Variants in NKAIN2 observed in about 807,000 individuals in gnomAD.
The protein encoded by NKAIN2 is sodium/potassium-transporting ATPase subunit beta-1-interacting protein 2.
In NKAIN2, 14 loss-of-function variants were observed where a neutral mutation model predicts 32.6. The ratio of observed to expected loss-of-function variants is 0.43; its 90% CI spans 0.28 to 0.67. The LOEUF (loss-of-function observed/expected upper bound fraction) is 0.67, where lower values mean the gene tolerates loss of function less well. NKAIN2 is among the 30% of genes least tolerant of loss of function. The pLI, the probability that NKAIN2 is intolerant of heterozygous loss-of-function variation, is 0.17. For synonymous variants in NKAIN2, 80 were observed against 87.2 expected, an observed-to-expected ratio of 0.92 and a Z score of 0.46; for missense variants, 198 against 258.3, an observed-to-expected ratio of 0.77 and a Z score of 1.60.
At chr6:123,854,576 T>C (rs1775485390) in intron 1 of NKAIN2, among the ~76,000 whole-genome samples, 2 of 152,198 alleles carry the variant, frequency 1.3e-5, no homozygotes, top group African/African-American at 4.8e-5. Context: ...CCAGGTGCTG[T>C]GCCAAATGTT....
chr6:124,792,656 T>C (rs1019005993), intron 5 of NKAIN2, among the ~76,000 whole-genome samples: 30 of 151,958 alleles, frequency 2.0e-4, no homozygotes, highest in African/African-American at 7.2e-4. Context: ...CAGGAGAAGG[T>C]TTATAGAGAA....
intron 4 of NKAIN2, among the ~76,000 whole-genome samples, chr6:124,691,708 C>T (rs1774261520): frequency 6.6e-6 from 1 of 152,120 alleles, no homozygotes; most frequent in Admixed American, 6.6e-5. Context: ...CCAGGATTAT[C>T]CTTAGAAAAA....
chr6:124,801,033 A>G (rs562882268), intron 5 of NKAIN2, among the ~76,000 whole-genome samples: 1 of 152,240 alleles, frequency 6.6e-6, no homozygotes, highest in Non-Finnish European at 1.5e-5. Flanking sequence ...CACCTTCACC[A>G]CTGAATTAAA....
At chr6:123,967,713 A>C (rs766924393) in intron 1 of NKAIN2, among the ~76,000 whole-genome samples, 1 of 152,218 alleles carries the variant, frequency 6.6e-6, no homozygotes, top group East Asian at 1.9e-4. Context: ...ATATATACAC[A>C]TACTCACAAC....
At chr6:124,045,094 T>G (rs950452148) in intron 1 of NKAIN2, among the ~76,000 whole-genome samples, 3 of 151,882 alleles carry the variant, frequency 2.0e-5, no homozygotes, top group African/African-American at 4.8e-5. Context: ...AACAAAGTTC[T>G]CTTTTTCATG....
At chr6:124,224,861 G>A (rs187393748) in intron 1 of NKAIN2, among the ~76,000 whole-genome samples, 1 of 152,010 alleles carries the variant, frequency 6.6e-6, no homozygotes, top group South Asian at 2.1e-4. Flanking sequence ...TGACGACTGG[G>A]TGTAGTAATT....
chr6:124,083,906 G>A (rs897925050), intron 1 of NKAIN2, among the ~76,000 whole-genome samples: 3 of 151,934 alleles, frequency 2.0e-5, no homozygotes, highest in Admixed American at 6.6e-5. Flanking sequence ...ATCCCAGGAT[G>A]AAAAGCAGGA....
intron 1 of NKAIN2, among the ~76,000 whole-genome samples, chr6:124,156,987 C>T (rs1788017050): frequency 6.7e-6 from 1 of 150,090 alleles, no homozygotes; most frequent in African/African-American, 2.4e-5. Context: ...TCTGTAGTTC[C>T]AGCTACTTGG....
chr6:124,215,560 A>C (rs537312399), intron 1 of NKAIN2, among the ~76,000 whole-genome samples: 16 of 152,348 alleles, frequency 1.1e-4, no homozygotes, highest in Admixed American at 8.5e-4. Context: ...TGTGACTGGA[A>C]TAGCATTTGT....
intron 3 of NKAIN2, among the ~76,000 whole-genome samples, chr6:124,528,629 A>G (rs1210829199): frequency 6.6e-6 from 1 of 152,224 alleles, no homozygotes; most frequent in Non-Finnish European, 1.5e-5. Flanking sequence ...TGCTTGGAGC[A>G]ATATGAAACT....
intron 1 of NKAIN2, among the ~76,000 whole-genome samples, chr6:123,829,502 C>T (rs1774287545): frequency 6.6e-6 from 1 of 152,182 alleles, no homozygotes; most frequent in South Asian, 2.1e-4. Context: ...CAGCTTCCTA[C>T]ATGATGAGTC....
intron 4 of NKAIN2, among the ~76,000 whole-genome samples, chr6:124,708,159 C>T (rs1225488972): frequency 6.4e-4 from 93 of 145,332 alleles, no homozygotes; most frequent in African/African-American, 2.2e-3. Context: ...TGTAGATATG[C>T]GGCATTATTT....
intron 3 of NKAIN2, among the ~76,000 whole-genome samples, chr6:124,568,668 A>T (rs945172139): frequency 6.6e-6 from 1 of 152,050 alleles, no homozygotes; most frequent in Admixed American, 6.5e-5. Context: ...CATGAAATCC[A>T]TCAGTATAGC....
At chr6:124,515,174 A>C (rs1778856794) in intron 3 of NKAIN2, among the ~76,000 whole-genome samples, 1 of 152,114 alleles carries the variant, frequency 6.6e-6, no homozygotes. Context: ...CATCAAATTA[A>C]ACCATGCCCT....
intron 2 of NKAIN2, among the ~76,000 whole-genome samples, chr6:124,346,925 A>T: frequency 6.6e-6 from 1 of 152,078 alleles, no homozygotes. Flanking sequence ...GTTTCTTCCT[A>T]GTCTCAATGG....
intron 3 of NKAIN2, among the ~76,000 whole-genome samples, chr6:124,438,748 C>T (rs1356249794): frequency 6.6e-6 from 1 of 152,142 alleles, no homozygotes; most frequent in African/African-American, 2.4e-5. Context: ...TTTTTTCAGT[C>T]TGTCTTACTT....
At chr6:124,617,345 A>G (rs1303732035) in intron 3 of NKAIN2, among the ~76,000 whole-genome samples, 1 of 152,142 alleles carries the variant, frequency 6.6e-6, no homozygotes, top group Non-Finnish European at 1.5e-5. Context: ...ACACCATTCA[A>G]ATCACACTGT....
intron 1 of NKAIN2, among the ~76,000 whole-genome samples, chr6:123,817,942 C>G (rs749807037): frequency 3.9e-5 from 6 of 152,112 alleles, no homozygotes; most frequent in Non-Finnish European, 8.8e-5. Flanking sequence ...ATGTACTCAA[C>G]CAAGCCTTCA....
intron 4 of NKAIN2, among the ~76,000 whole-genome samples, chr6:124,701,381 A>G (rs796377999): frequency 7.9e-5 from 12 of 152,278 alleles, no homozygotes; most frequent in African/African-American, 2.9e-4. Flanking sequence ...ACATCTGTCC[A>G]TATGAGTTTT....
Sources: gnomAD v4.1 joint callset for allele counts (sites outside exome capture counted in the v4.1 genomes callset) on GRCh38, gnomAD v4.1.1 for gene constraint, MANE v1.5 for transcripts, NCBI Gene and HGNC (gene_info 2026-07-23, HGNC 2026-07-21) for gene names.